The following AUTS2 variants were observed in gnomAD, a reference collection of about 807,000 sequenced individuals.
AUTS2 encodes the protein activator of transcription and developmental regulator AUTS2, also known as autism susceptibility gene 2 protein.
A neutral mutation model predicts 112.4 loss-of-function variants in AUTS2; 17 were observed. The observed-to-expected ratio is 0.15, with a 90% CI of 0.10 to 0.23. The LOEUF (loss-of-function observed/expected upper bound fraction) is 0.23. Among genes scored for constraint, AUTS2 ranks in the 10% least tolerant of loss-of-function variants. AUTS2 has a pLI of 1.00. For synonymous variants in AUTS2, 751 were observed against 702.7 expected, an observed-to-expected ratio of 1.07 and a Z score of -1.09; for missense variants, 1,510 against 1,701.6, an observed-to-expected ratio of 0.89 and a Z score of 1.98.
At chr7:70,249,545 T>G (rs1043734303) in intron 4 of AUTS2, among the ~76,000 whole-genome samples, 1 of 152,082 alleles carries the variant, frequency 6.6e-6, no homozygotes, top group Non-Finnish European at 1.5e-5. Flanking sequence ...TTTTAACAAG[T>G]TTCCCCAAGT....
At chr7:70,553,030 G>C (rs1251423569) in intron 5 of AUTS2, among the ~76,000 whole-genome samples, 2 of 152,178 alleles carry the variant, frequency 1.3e-5, no homozygotes, top group Non-Finnish European at 2.9e-5. Flanking sequence ...CCAGCAGAAG[G>C]CCTGGAGCAA....
At chr7:69,818,401 G>A (rs530000171) in intron 1 of AUTS2, among the ~76,000 whole-genome samples, 2 of 152,250 alleles carry the variant, frequency 1.3e-5, no homozygotes, top group South Asian at 4.1e-4. Context: ...TGATTGACCC[G>A]AGATTGTATA....
At chr7:69,946,954 T>A (rs916685047) in intron 2 of AUTS2, among the ~76,000 whole-genome samples, 2 of 152,172 alleles carry the variant, frequency 1.3e-5, no homozygotes, top group Admixed American at 6.5e-5. Flanking sequence ...GTCTGCCAGT[T>A]CTCTCATGTT....
chr7:69,734,839 T>A (rs954481895), intron 1 of AUTS2, among the ~76,000 whole-genome samples: 1 of 152,184 alleles, frequency 6.6e-6, no homozygotes, highest in African/African-American at 2.4e-5. Flanking sequence ...TAATTTGAGG[T>A]CTTCTCAGTT....
At chr7:69,945,226 A>G (rs1475679503) in intron 2 of AUTS2, among the ~76,000 whole-genome samples, 1 of 152,198 alleles carries the variant, frequency 6.6e-6, no homozygotes, top group Non-Finnish European at 1.5e-5. Flanking sequence ...TTTATCACCC[A>G]TGAAAGAAAT....
chr7:70,552,852 T>TCATAATGGAAA (rs751715343), intron 5 of AUTS2, among the ~76,000 whole-genome samples: 1 of 152,186 alleles, frequency 6.6e-6, no homozygotes, highest in African/African-American at 2.4e-5. Context: ...CCCATGGTAC[T>TCATAATGGAAA]CATAATGGAA....
At chr7:70,138,262 G>T (rs1170314411) in intron 4 of AUTS2, among the ~76,000 whole-genome samples, 37 of 152,168 alleles carry the variant, frequency 2.4e-4, no homozygotes, top group Non-Finnish European at 5.9e-5. Context: ...TAGCATATAT[G>T]AACACAGTAA....
intron 5 of AUTS2, among the ~76,000 whole-genome samples, chr7:70,563,372 C>G (rs569597552): frequency 6.4e-4 from 98 of 152,324 alleles, no homozygotes; most frequent in African/African-American, 1.7e-3. Flanking sequence ...TATGAGACAT[C>G]TTGGAGTAAT....
chr7:70,218,210 G>T (rs1349158292), intron 4 of AUTS2, among the ~76,000 whole-genome samples: 2 of 152,190 alleles, frequency 1.3e-5, no homozygotes, highest in African/African-American at 4.8e-5. Flanking sequence ...TCCACCAAGG[G>T]GGCAGTGAGG....
chr7:70,405,500 T>C (rs558953235), intron 4 of AUTS2, among the ~76,000 whole-genome samples: 2 of 152,348 alleles, frequency 1.3e-5, no homozygotes, highest in African/African-American at 2.4e-5. Context: ...CAGTGCTGAG[T>C]ATCTCTCAGA....
intron 4 of AUTS2, among the ~76,000 whole-genome samples, chr7:70,398,492 G>A (rs998171984): frequency 6.6e-6 from 1 of 151,534 alleles, no homozygotes; most frequent in Admixed American, 6.6e-5. Flanking sequence ...TATATTTTTT[G>A]ATGTTATTGT....
rs769167826 is a variant in AUTS2, at chr7:70,765,046, C to T, written c.1468+41C>T. 20 of 1,608,452 alleles carry T rather than the reference C, an allele frequency of 1.2e-5. No individual in the cohort carries two copies. In the East Asian group the frequency reaches 1.6e-4, roughly 13 times the overall value. Reference sequence around the variant, plus strand: ...CTGTGCTCGTGACCCCGACCCCCACCGCCCCTCGCTGTGACCTCACCCTAC... The same window carrying T: ...CTGTGCTCGTGACCCCGACCCCCACTGCCCCTCGCTGTGACCTCACCCTAC... On this transcript the variant is annotated intron_variant, in intron 8 of 18. Transcript: ENST00000342771.
At chr7:69,942,286 A>C (rs1031993545) in intron 2 of AUTS2, among the ~76,000 whole-genome samples, 3 of 152,310 alleles carry the variant, frequency 2.0e-5, no homozygotes, top group African/African-American at 7.2e-5. Flanking sequence ...AGTAAATCTT[A>C]GGAGGATAAA....
At chr7:69,906,027 G>C (rs918441445) in intron 2 of AUTS2, among the ~76,000 whole-genome samples, 7 of 152,140 alleles carry the variant, frequency 4.6e-5, no homozygotes, top group African/African-American at 1.7e-4. Flanking sequence ...CCCATATATT[G>C]ATAGAGGAGT....
chr7:69,636,480 GCCCC>G (rs10652609), intron 1 of AUTS2, among the ~76,000 whole-genome samples: 1 of 16,098 alleles, frequency 6.2e-5, no homozygotes, highest in Admixed American at 6.7e-4. Context: ...AGTGATCCGC[GCCCC>G]CCCCCCCCCT....
chr7:70,174,043 T>C (rs1019077622), intron 4 of AUTS2, among the ~76,000 whole-genome samples: 10 of 152,184 alleles, frequency 6.6e-5, no homozygotes, highest in African/African-American at 2.4e-4. Context: ...AAGGAAGGCA[T>C]GTTGAAAGCC....
At chr7:70,692,725 G>C (rs949690137) in intron 5 of AUTS2, among the ~76,000 whole-genome samples, 1 of 151,334 alleles carries the variant, frequency 6.6e-6, no homozygotes, top group African/African-American at 2.4e-5. Context: ...TTAGAGGCTA[G>C]AGGAGGGGGA....
At chr7:69,901,847 C>G (rs1794981664) in intron 2 of AUTS2, among the ~76,000 whole-genome samples, 1 of 152,000 alleles carries the variant, frequency 6.6e-6, no homozygotes, top group Non-Finnish European at 1.5e-5. Context: ...TTATGAAATC[C>G]CAAACAAGTC....
At chr7:70,075,024 T>C (rs1802960325) in intron 2 of AUTS2, among the ~76,000 whole-genome samples, 1 of 152,208 alleles carries the variant, frequency 6.6e-6, no homozygotes, top group South Asian at 2.1e-4. Context: ...ATTAGATAAT[T>C]CAGATTTCTA....
Sources: allele counts gnomAD v4.1 joint callset (sites outside exome capture counted in the v4.1 genomes callset), GRCh38; gene constraint gnomAD v4.1.1; transcripts MANE v1.5; gene names NCBI Gene and HGNC (gene_info 2026-07-23, HGNC 2026-07-21).